NEB: variants seen among roughly 807,000 people sequenced by gnomAD.
NEB encodes nemaline myopathy type 2.
NEB carries 512 observed loss-of-function variants against 952.2 expected under a neutral mutation model. The observed-to-expected ratio is 0.54, with a 90% confidence interval of 0.50 to 0.58. NEB has a LOEUF of 0.58. NEB is among the 20% of genes least tolerant of loss of function. The pLI, the probability that NEB is intolerant of heterozygous loss-of-function variation, is 0.00. For missense variants in NEB, 8,428 were observed against 9,231.1 expected (o/e 0.91, Z 3.56); for synonymous variants, 2,900 against 3,149.8 (o/e 0.92, Z 2.66).
chr2:151,607,361 T>C (rs2097753562), intron 83 of NEB, 143 bp downstream of exon 83: 2 of 407,296 alleles, frequency 4.9e-6, no homozygotes, highest in Non-Finnish European at 9.6e-6. Context: ...TCATATCGCA[T>C]TGGGACTGGT....
At position 151,656,360 on chromosome 2, in the gene NEB, C is replaced by T. The variant is rs2154149119; in HGVS notation, c.6288G>A (p.Met2096Ile). 1 of 1,613,634 alleles carries T rather than the reference C, an allele frequency of 6.2e-7. No individual in the cohort carries two copies. Among genetic ancestry groups the T allele is most frequent in the Non-Finnish European group, 8.5e-7 (1 of 1,179,682 alleles). Reference sequence around the variant, plus strand: ...TTTTCTTGTACTCCCGATCAGATTGCATCTTAGCCACTTGCATGGAATGGA... The same window carrying T: ...TTTTCTTGTACTCCCGATCAGATTGTATCTTAGCCACTTGCATGGAATGGA... Reference protein sequence around the residue: ...KLVHSMQVAKMQSDREYKKNY... With the variant: ...KLVHSMQVAKIQSDREYKKNY... The change falls in exon 49 of 182, where the codon ATG becomes ATA. Residue 2096 changes from methionine to isoleucine, a missense_variant. Met to Ile is a conservative substitution (Grantham distance 10). Around this residue, in one of 11 missense-constraint regions of NEB, gnomAD observed 2,851 missense variants for 2,791.5 expected, o/e 1.02. Transcript: ENST00000397345.
intron 116 of NEB, 105 bp downstream of exon 116, chr2:151,565,396 T>A (rs1422389141): frequency 2.3e-6 from 2 of 860,112 alleles, no homozygotes; most frequent in African/African-American, 3.4e-5. Context: ...ATTTACCACC[T>A]CCCAATTTTT....
At chr2:151,555,374 A>G (rs1478760543) in intron 124 of NEB, among the ~76,000 whole-genome samples, 1 of 152,240 alleles carries the variant, frequency 6.6e-6, no homozygotes, top group African/African-American at 2.4e-5. Context: ...AGATTATGTA[A>G]TTTAAAAATA....
At chr2:151,694,901 T>C (rs2149273428) in intron 18 of NEB, among the ~76,000 whole-genome samples, 1 of 152,316 alleles carries the variant, frequency 6.6e-6, no homozygotes, top group Non-Finnish European at 1.5e-5. Flanking sequence ...ACTGAATGTT[T>C]TATAGAGTAG....
chr2:151,497,443 T>TATTA, intron 171 of NEB, 183 bp downstream of exon 171: 1 of 981,422 alleles, frequency 1.0e-6, no homozygotes, highest in Non-Finnish European at 1.2e-6. Context: ...AAATTAACTG[T>TATTA]ATTATAGAAA....
intron 37 of NEB, 25 bp from the exon 38 acceptor site, chr2:151,671,254 G>A (rs1360013567): frequency 7.0e-6 from 11 of 1,567,250 alleles, no homozygotes; most frequent in Non-Finnish European, 9.6e-6. Context: ...GCTAATATGA[G>A]AAGATACCCT....
intron 71 of NEB, 47 bp from the exon 72 acceptor site, chr2:151,621,073 C>T (rs748841596): frequency 1.9e-5 from 27 of 1,455,278 alleles, no homozygotes; most frequent in East Asian, 7.3e-5. Flanking sequence ...CACATTCACT[C>T]GAAAAGTATA....
At chr2:151,487,589 C>T (rs2051966805) in intron 181 of NEB, among the ~76,000 whole-genome samples, 2 of 152,116 alleles carry the variant, frequency 1.3e-5, no homozygotes, top group South Asian at 2.1e-4. Flanking sequence ...AATAATATCA[C>T]GAATTATTCA....
rs1484957959 is a variant in NEB, at chr2:151,516,608, C to T, written c.22801-45G>A. ...TTAGATATCTCTCCTCTGGTCAATT[C>T]CTAGACAGCAGTTTAAGGATAGTAT... On this transcript the variant is annotated intron_variant, in intron 156 of 181. Coordinates refer to ENST00000397345, the MANE Select transcript of NEB (RefSeq NM_001164508.2). 29 of 1,249,120 alleles carry T rather than the reference C, an allele frequency of 2.3e-5. No individual in the cohort carries two copies. In the Admixed American group the frequency reaches 5.2e-4, roughly 22 times the overall value. 77.4% of individuals were successfully genotyped at this position (1,249,120 alleles called of 1,614,324 possible). A position where few individuals can be genotyped will look rare whatever the true frequency, so the allele number is the denominator to read the frequency against.
At chr2:151,547,220 G>A (rs1031214487) in intron 133 of NEB, among the ~76,000 whole-genome samples, 2 of 152,148 alleles carry the variant, frequency 1.3e-5, no homozygotes, top group African/African-American at 4.8e-5. Context: ...TGGCAATTCT[G>A]TCTTCCCCAG....
Position 151,639,381 on chromosome 2 carries a change from A to G in NEB, c.8893T>C (p.Leu2965=), listed in dbSNP as rs1430569195. Residue 2965 remains leucine (L), a synonymous_variant, in exon 63 of 182, where the codon TTA becomes CTA. Transcript: ENST00000397345. The part of the protein sequence containing the change: ...KNNAITMNKR[L]YTEAWDKDKT... The stretch of plus-strand genomic sequence containing the variant: ...TCTTTGTCCCAGGCTTCTGTGTATA[A>G]ACGCTATCAAAAAAAATACACAAAT... 6.6e-7 allele frequency: 1 copy of G among 1,526,242 alleles called. No individual in the cohort carries two copies. The highest frequency in any genetic ancestry group is 2.0e-5 in the Admixed American group (1 of 49,436). The allele number at this position is 1,526,242 out of a possible 1,614,324, so 94.5% of individuals were successfully genotyped here.
At chr2:151,553,346 T>C in intron 127 of NEB, 52 bp downstream of exon 127, 2 of 1,411,958 alleles carry the variant, frequency 1.4e-6, no homozygotes, top group Admixed American at 1.7e-5. Context: ...CTCTTAACTC[T>C]AGACTATGGA....
chr2:151,644,717 C>A, intron 55 of NEB, 142 bp from the exon 56 acceptor site: 1 of 712,874 alleles, frequency 1.4e-6, no homozygotes, highest in Admixed American at 2.5e-5. Flanking sequence ...GAAATTATGC[C>A]CATTGATTGC....
chr2:151,517,404 A>ATAGT (rs779111494), intron 156 of NEB, among the ~76,000 whole-genome samples: 1 of 152,250 alleles, frequency 6.6e-6, no homozygotes, highest in Admixed American at 6.5e-5. Flanking sequence ...GACGTTTCTA[A>ATAGT]TAGTTAGTCC....
chr2:151,591,618 GATT>G (rs1477072799), intron 95 of NEB, among the ~76,000 whole-genome samples, 163 bp from the exon 96 acceptor site: 5 of 152,250 alleles, frequency 3.3e-5, no homozygotes, highest in Admixed American at 2.6e-4. Flanking sequence ...AATTCCAGTA[GATT>G]TTTAATGACA....
At chr2:151,675,483 T>C in intron 34 of NEB, 92 bp from the exon 35 acceptor site, 1 of 834,550 alleles carries the variant, frequency 1.2e-6, no homozygotes, top group Non-Finnish European at 1.9e-6. Flanking sequence ...ACCCATGATT[T>C]TCTAGTGTTA....
chr2:151,507,047 T>G, intron 162 of NEB, 34 bp from the exon 163 acceptor site: 1 of 1,265,386 alleles, frequency 7.9e-7, no homozygotes, highest in South Asian at 1.2e-5. Context: ...TGTTAAGATT[T>G]CAACATTGCT....
At position 151,644,090 on chromosome 2, in the gene NEB, G is replaced by T; in HGVS notation, c.7684C>A (p.His2562Asn). Residue 2562 changes from histidine to asparagine, a missense_variant, in exon 57 of 182, where the codon CAC becomes AAC. Around this residue, in one of 11 missense-constraint regions of NEB, gnomAD observed 1,772 missense variants for 1,960.3 expected, o/e 0.90. Coordinates refer to ENST00000397345, the MANE Select transcript of NEB (RefSeq NM_001164508.2). ...KEGFRKQLGHHIGARNIEDDP... is the reference protein window; with the variant it reads ...KEGFRKQLGHNIGARNIEDDP... ...TCTTCAATGTTCCGGGCACCAATGT[G>T]GTGGCCGAGCTGCTTGCGAAAGCCT... is the stretch of plus-strand genomic sequence containing the variant. 6.2e-7 allele frequency: 1 copy of T among 1,613,952 alleles called. No homozygotes were observed. Among genetic ancestry groups the T allele is most frequent in the Non-Finnish European group, 8.5e-7 (1 of 1,179,882 alleles).
Position 151,528,041 on chromosome 2 carries a change from A to C in NEB, c.21736-456T>G, listed in dbSNP as rs909013372. On this transcript the variant is annotated intron_variant, in intron 146 of 181. Coordinates refer to ENST00000397345, the MANE Select transcript of NEB (RefSeq NM_001164508.2). ...TATAAAATTAATTCACCTAATCTTC[A>C]TAACAACTGCATGAAATAGACAGCT... Among the ~76,000 whole-genome samples, 4 of 152,248 alleles carry C rather than the reference A, an allele frequency of 2.6e-5. No individual in the cohort carries two copies. The East Asian group carries it at 5.8e-4, about 22-fold the overall frequency.
Sources: allele counts gnomAD v4.1 joint callset (sites outside exome capture counted in the v4.1 genomes callset), GRCh38; gene constraint gnomAD v4.1.1; regional missense constraint gnomAD v4.1.1; transcripts MANE v1.5; gene names NCBI Gene and HGNC (gene_info 2026-07-23, HGNC 2026-07-21).